Variants in TBC1D30 observed in about 807,000 individuals in gnomAD.
TBC1D30 encodes the protein TBC1 domain family member 30, also known as TBC1 domain family, member 30.
A neutral mutation model predicts 63.2 loss-of-function variants in TBC1D30; 31 were observed. The ratio of observed to expected loss-of-function variants is 0.49; its 90% CI spans 0.37 to 0.66. The LOEUF is 0.66. Ranked by LOEUF, TBC1D30 falls within the 30% of genes least tolerant of loss-of-function variation. TBC1D30 has a pLI of 0.00. For missense variants in TBC1D30, 810 were observed against 953.6 expected (o/e 0.85, Z 1.98); for synonymous variants, 307 against 361.5 (o/e 0.85, Z 1.71).
At chr12:64,841,202 A>G (rs1174788105) in intron 7 of TBC1D30, among the ~76,000 whole-genome samples, 2 of 152,220 alleles carry the variant, frequency 1.3e-5, no homozygotes, top group African/African-American at 4.8e-5. Flanking sequence ...TGTACACCTG[A>G]GTAACATGTG....
intron 1 of TBC1D30, among the ~76,000 whole-genome samples, chr12:64,773,015 A>T (rs555725422): frequency 1.2e-3 from 179 of 152,360 alleles, no homozygotes; most frequent in African/African-American, 4.2e-3. Flanking sequence ...CTGCATTAAT[A>T]GTTTACTCAC....
chr12:64,864,170 T>C (rs148964805), intron 8 of TBC1D30, among the ~76,000 whole-genome samples: 1 of 152,176 alleles, frequency 6.6e-6, no homozygotes, highest in Admixed American at 6.5e-5. Flanking sequence ...TCCACAGACA[T>C]TTAAAAAGGT....
chr12:64,865,008 C>G (rs143696784), intron 9 of TBC1D30, among the ~76,000 whole-genome samples: 28 of 151,954 alleles, frequency 1.8e-4, no homozygotes, highest in Admixed American at 1.8e-3. Flanking sequence ...AGCAACCCCA[C>G]AACTTATCTA....
chr12:64,769,675 C>T (rs568567969), intron 1 of TBC1D30, among the ~76,000 whole-genome samples: 11 of 150,438 alleles, frequency 7.3e-5, no homozygotes, highest in Non-Finnish European at 1.0e-4. Context: ...TGTGAGCCAC[C>T]GCACCTGGCC....
chr12:64,793,887 G>C (rs1872092947), intron 2 of TBC1D30, among the ~76,000 whole-genome samples: 1 of 152,110 alleles, frequency 6.6e-6, no homozygotes, highest in Non-Finnish European at 1.5e-5. Flanking sequence ...GGCTTTCTTT[G>C]TCTCTCTCCT....
At chr12:64,760,872 A>G (rs1870482436) in intron 1 of TBC1D30, among the ~76,000 whole-genome samples, 1 of 152,044 alleles carries the variant, frequency 6.6e-6, no homozygotes, top group Non-Finnish European at 1.5e-5. Flanking sequence ...TTTTTCACAC[A>G]GAGGGGTAAT....
In TBC1D30 at chr12:64,827,886, G is replaced by T; in HGVS notation, c.206G>T (p.Gly69Val). 2 of 1,534,214 alleles carry T rather than the reference G, an allele frequency of 1.3e-6. No homozygotes were observed. Among genetic ancestry groups the T allele is most frequent in the Admixed American group, 2.0e-5 (1 of 50,758 alleles). ...FTLEPSLGQN[G>V]FQQWYDALKA... ...CTTGAGCCATCTTTAGGTCAAAATG[G>T]TTTTCAGCAGGTAACTTTGATTTTG... Residue 69 changes from glycine (G) to valine (V), a missense_variant, in exon 2 of 12, where the codon GGT becomes GTT. Gly to Val is a moderately radical substitution (Grantham distance 109). Transcript: ENST00000539867.
intron 10 of TBC1D30, chr12:64,867,865 A>G (rs1878353698): frequency 6.6e-6 from 1 of 152,162 alleles, no homozygotes; most frequent in Non-Finnish European, 1.5e-5. Context: ...CGTTCTACTA[A>G]TAGTTCTTCT....
Position 64,859,361 on chromosome 12 carries a change from G to C in TBC1D30, c.1039-5307G>C, listed in dbSNP as rs148699911. Among the ~76,000 whole-genome samples the C allele has an allele frequency of 1.7e-4, 26 of 152,294 alleles. No individual in the cohort carries two copies. The East Asian group carries it at 4.4e-3, about 26-fold the overall frequency. On this transcript the variant is annotated intron_variant, in intron 8 of 11. Coordinates refer to ENST00000539867, the MANE Select transcript of TBC1D30 (RefSeq NM_015279.2). The stretch of plus-strand genomic sequence containing the variant: ...AGATTGTATTTGCTGGAGTTCTAAG[G>C]CTTCTGTGGACCCTTTGGAAAGGGG...
rs933295239 is a variant in TBC1D30 at position 64,824,867 on chromosome 12, G to T, written c.-13G>T. On this transcript the variant is annotated 5_prime_UTR_variant, in exon 1 of 12. Coordinates refer to ENST00000539867, the MANE Select transcript of TBC1D30 (RefSeq NM_015279.2). ...ACGGACGGTAGCCGTGCCAGAGCCCGGGGCGCTCTCGGATGCGGCAGGACA... is the reference window on the plus strand; with the variant it reads ...ACGGACGGTAGCCGTGCCAGAGCCCTGGGCGCTCTCGGATGCGGCAGGACA... 4 of 1,532,320 alleles carry T rather than the reference G, an allele frequency of 2.6e-6. No individual in the cohort carries two copies. The highest frequency in any genetic ancestry group is 1.2e-5 in the South Asian group (1 of 83,612). 94.9% of individuals were successfully genotyped at this position (1,532,320 alleles called of 1,614,324 possible). A position where few individuals can be genotyped will look rare whatever the true frequency, so the allele number is the denominator to read the frequency against.
intron 3 of TBC1D30, 75 bp from the exon 4 acceptor site, chr12:64,830,302 C>A: frequency 1.4e-6 from 2 of 1,391,236 alleles, no homozygotes; most frequent in South Asian, 1.5e-5. Flanking sequence ...TTGTCGAATG[C>A]AATAACTACT....
At chr12:64,830,632 A>C in intron 4 of TBC1D30, 130 bp downstream of exon 4, 22 of 852,988 alleles carry the variant, frequency 2.6e-5, no homozygotes, top group East Asian at 5.7e-5. Context: ...CTGCCTTCTC[A>C]TTTCATTAGC....
chr12:64,835,041 G>T (rs1260656606), intron 5 of TBC1D30, among the ~76,000 whole-genome samples: 2 of 152,066 alleles, frequency 1.3e-5, no homozygotes, highest in African/African-American at 4.8e-5. Flanking sequence ...GATCCATAGA[G>T]TGCTAGGTTC....
In TBC1D30 at chr12:64,866,830, T is replaced by G. The variant is rs755833338; in HGVS notation, c.1218T>G (p.Asn406Lys). Residue 406 changes from asparagine to lysine, a missense_variant, in exon 10 of 12, where the codon AAT becomes AAG. Transcript: ENST00000539867. Reference sequence around the variant, plus strand: ...CAGACGATGAGGATGCTGTCGTTAATGCAGTGGGGTGTCTTGGACCTTTTA... The same window carrying G: ...CAGACGATGAGGATGCTGTCGTTAAGGCAGTGGGGTGTCTTGGACCTTTTA... ...NDPDDEDAVV[N>K]AVGCLGPFSG... 4 of 1,536,378 alleles carry G rather than the reference T, an allele frequency of 2.6e-6. No individual in the cohort carries two copies. In the South Asian group the frequency reaches 4.8e-5, roughly 18 times the overall value.
chr12:64,809,934 C>T (rs558971912), intron 2 of TBC1D30, among the ~76,000 whole-genome samples: 1 of 152,044 alleles, frequency 6.6e-6, no homozygotes, highest in Non-Finnish European at 1.5e-5. Context: ...GAATGTGTTC[C>T]CTTCCCCTTT....
At chr12:64,778,282 T>C (rs1462138055), upstream of TBC1D30, among the ~76,000 whole-genome samples, 1 of 152,196 alleles carries the variant, frequency 6.6e-6, no homozygotes, top group East Asian at 1.9e-4. Context: ...TAAACAAATA[T>C]TTATTGAGCA....
chr12:64,795,840 A>G (rs1872229618), intron 2 of TBC1D30, among the ~76,000 whole-genome samples: 1 of 149,720 alleles, frequency 6.7e-6, no homozygotes, highest in Non-Finnish European at 1.5e-5. Flanking sequence ...TCTTACCCAG[A>G]TGTGCTTTTT....
chr12:64,822,013 C>T (rs1046220836), upstream of TBC1D30, among the ~76,000 whole-genome samples: 4 of 152,282 alleles, frequency 2.6e-5, no homozygotes, highest in South Asian at 2.1e-4. Flanking sequence ...GCAGATGGCT[C>T]ATCTCATTTT....
chr12:64,807,320 A>T (rs1872928478), intron 2 of TBC1D30, among the ~76,000 whole-genome samples: 1 of 152,218 alleles, frequency 6.6e-6, no homozygotes, highest in Admixed American at 6.5e-5. Flanking sequence ...GCCATGCTGA[A>T]CTCTGAATCA....
Sources: gnomAD v4.1 joint callset for allele counts (sites outside exome capture counted in the v4.1 genomes callset) on GRCh38, gnomAD v4.1.1 for gene constraint, MANE v1.5 for transcripts, NCBI Gene and HGNC (gene_info 2026-07-23, HGNC 2026-07-21) for gene names.